The following PCDHA10 variants were observed in gnomAD, a reference collection of about 807,000 sequenced individuals.
The protein encoded by PCDHA10 is protocadherin alpha 10.
PCDHA10 carries 45 observed loss-of-function variants against 61.2 expected under a neutral mutation model. The observed-to-expected ratio is 0.74, with a 90% confidence interval of 0.58 to 0.94. The LOEUF is 0.94. PCDHA10 is among the 40% of genes least tolerant of loss of function. The pLI, the probability that PCDHA10 is intolerant of heterozygous loss-of-function variation, is 0.00. For missense variants in PCDHA10, 1,278 were observed against 1,236.2 expected (o/e 1.03, Z -0.51); for synonymous variants, 602 against 548.8 (o/e 1.10, Z -1.35).
rs530119651 is a variant in PCDHA10, at chr5:140,965,991, T to A, written c.2389-12958T>A. ...CCTAGGAGTTGAGCACTTTCTGCAG[T>A]ACTTAAGAGTGTCCAGGGAAGATGT... On this transcript the variant is annotated intron_variant, in intron 1 of 3. Transcript: ENST00000307360. Among the ~76,000 whole-genome samples, 253 of 152,310 alleles carry A rather than the reference T, an allele frequency of 1.7e-3. 2 individuals carry two copies. Among genetic ancestry groups the A allele is most frequent in the Non-Finnish European group, 2.4e-3 (164 of 68,034 alleles).
chr5:140,964,168 G>A (rs928554352), intron 1 of PCDHA10, among the ~76,000 whole-genome samples: 1 of 152,166 alleles, frequency 6.6e-6, no homozygotes, highest in Non-Finnish European at 1.5e-5. Flanking sequence ...TGTGAGGAAC[G>A]AAATCATTAT....
At chr5:140,950,517 A>G (rs1210598995) in intron 1 of PCDHA10, among the ~76,000 whole-genome samples, 1 of 152,012 alleles carries the variant, frequency 6.6e-6, no homozygotes, top group African/African-American at 2.4e-5. Flanking sequence ...CCTGTGTGCG[A>G]TATGATTGTT....
chr5:140,918,210 A>T (rs2078574076), intron 1 of PCDHA10, among the ~76,000 whole-genome samples: 1 of 152,152 alleles, frequency 6.6e-6, no homozygotes, highest in Non-Finnish European at 1.5e-5. Context: ...TTGTTGGTGT[A>T]CAGAAATGCT....
At chr5:140,884,075 T>C (rs2059980601) in intron 1 of PCDHA10, 1 of 1,613,342 alleles carries the variant, frequency 6.2e-7, no homozygotes, top group South Asian at 1.1e-5. Context: ...CGATTCGGGC[T>C]ACAATGCGTG....
intron 1 of PCDHA10, among the ~76,000 whole-genome samples, chr5:140,963,244 T>C (rs934081934): frequency 6.6e-6 from 1 of 151,988 alleles, no homozygotes; most frequent in Non-Finnish European, 1.5e-5. Flanking sequence ...ATGGATTAGG[T>C]AGGTTTTCAT....
Position 140,870,628 on chromosome 5 carries a change from G to A in PCDHA10, c.2388+12192G>A. The A allele has an allele frequency of 4.3e-6, 7 of 1,613,050 alleles. No individual in the cohort carries two copies. The highest frequency in any genetic ancestry group is 5.9e-6 in the Non-Finnish European group (7 of 1,179,794). Reference sequence around the variant, plus strand: ...CCGCGCGCTGTCGAGCTACGTGTCGGTGCACGCGGAGAGCGGCAAGGTGTA... The same window carrying A: ...CCGCGCGCTGTCGAGCTACGTGTCGATGCACGCGGAGAGCGGCAAGGTGTA... On this transcript the variant is annotated intron_variant, in intron 1 of 3. Transcript: ENST00000307360.
chr5:140,882,213 T>C, intron 1 of PCDHA10: 2 of 1,538,576 alleles, frequency 1.3e-6, no homozygotes, highest in Non-Finnish European at 1.8e-6. Flanking sequence ...TGAGAGACAG[T>C]TTGAGGTAAG....
At position 141,009,699 on chromosome 5, in the gene PCDHA10, G is replaced by A. The variant is rs1554262287; in HGVS notation, c.2609G>A (p.Gly870Glu). Residue 870 changes from glycine to glutamate, a missense_variant, in exon 4 of 4, where the codon GGA becomes GAA. Gly to Glu is a moderately conservative substitution (Grantham distance 98, BLOSUM62 -2). Transcript: ENST00000307360. ...AGCAACAGCTGGACCTTTAAATACG[G>A]ACCAGGCAACCCCAAACAATCCGGT... Reference protein sequence around the residue: ...VNSNSWTFKYGPGNPKQSGPG... With the variant: ...VNSNSWTFKYEPGNPKQSGPG... 1 of 1,614,030 alleles carries A rather than the reference G, an allele frequency of 6.2e-7. No individual in the cohort carries two copies. The highest frequency in any genetic ancestry group is 8.5e-7 in the Non-Finnish European group (1 of 1,180,010).
rs534304787 is a variant in PCDHA10, at chr5:140,885,393, TA to T, written c.2388+26959del. Among the ~76,000 whole-genome samples the T allele has an allele frequency of 3.1e-3, 468 of 152,312 alleles. 3 individuals carry two copies. Among genetic ancestry groups the T allele is most frequent in the Middle Eastern group, 0.014 (4 of 294 alleles). The stretch of plus-strand genomic sequence containing the variant: ...TACCTTTTGGCAGTCCCTGCAAATC[TA>T]ATGGTTTTAATAGCTGTGTAGTATT... On this transcript the variant is annotated intron_variant, in intron 1 of 3. Transcript: ENST00000307360.
At chr5:140,955,157 T>A (rs1554221797) in intron 1 of PCDHA10, among the ~76,000 whole-genome samples, 1 of 152,198 alleles carries the variant, frequency 6.6e-6, no homozygotes, top group Non-Finnish European at 1.5e-5. Context: ...ACCAGTACCG[T>A]GCTGTTTTGG....
At chr5:140,968,044 A>G (rs959631573) in intron 1 of PCDHA10, 2 of 1,614,024 alleles carry the variant, frequency 1.2e-6, no homozygotes, top group Non-Finnish European at 1.7e-6. Context: ...TGAGCGGCCC[A>G]CTGGACCGAG....
Position 140,898,031 on chromosome 5 carries a change from G to C in PCDHA10, c.2388+39595G>C, listed in dbSNP as rs550093815. Among the ~76,000 whole-genome samples, 156 of 152,112 alleles carry C rather than the reference G, an allele frequency of 1.0e-3. No individual in the cohort carries two copies. The South Asian group carries it at 0.016, about 16-fold the overall frequency. ...CATATCCTTTGCCCACTTTTTGATG[G>C]GGTTGTTTGTTTTTTTCTTGTAAAT... On this transcript the variant is annotated intron_variant, in intron 1 of 3. Coordinates refer to ENST00000307360, the MANE Select transcript of PCDHA10 (RefSeq NM_018901.4).
intron 1 of PCDHA10, chr5:140,876,368 C>T (rs564115297): frequency 3.7e-5 from 59 of 1,613,904 alleles, no homozygotes; most frequent in Non-Finnish European, 4.9e-5. Context: ...AATCCAGACA[C>T]AGGTGAAATT....
intron 1 of PCDHA10, among the ~76,000 whole-genome samples, chr5:140,951,315 C>A (rs782114634): frequency 6.6e-6 from 1 of 151,988 alleles, no homozygotes; most frequent in Non-Finnish European, 1.5e-5. Context: ...ATGTGTTATT[C>A]TTGAGATTCA....
At chr5:140,869,380 G>A (rs1315666503) in intron 1 of PCDHA10, 1 of 1,614,046 alleles carries the variant, frequency 6.2e-7, no homozygotes, top group African/African-American at 1.3e-5. Context: ...GATCGACCGC[G>A]AGGAGCTGTG....
chr5:140,911,971 C>G (rs1041878022), intron 1 of PCDHA10, among the ~76,000 whole-genome samples: 5 of 152,266 alleles, frequency 3.3e-5, no homozygotes, highest in African/African-American at 1.2e-4. Flanking sequence ...GGAGTATTAA[C>G]TCACATGATC....
intron 3 of PCDHA10, among the ~76,000 whole-genome samples, chr5:140,995,158 A>G (rs1554254485): frequency 6.6e-6 from 1 of 152,180 alleles, no homozygotes; most frequent in African/African-American, 2.4e-5. Flanking sequence ...TATATACATT[A>G]TGTTCTTTCA....
chr5:140,914,944 CTTTTT>C (rs35695909), intron 1 of PCDHA10, among the ~76,000 whole-genome samples: 1 of 128,266 alleles, frequency 7.8e-6, no homozygotes, highest in Non-Finnish European at 1.7e-5. Context: ...GAAAAGTTGT[CTTTTT>C]TTTTTTTTTT....
At chr5:140,930,778 T>G (rs891094443) in intron 1 of PCDHA10, among the ~76,000 whole-genome samples, 1 of 152,200 alleles carries the variant, frequency 6.6e-6, no homozygotes, top group African/African-American at 2.4e-5. Flanking sequence ...CTTAATATTT[T>G]CACAATATAA....
Sources: gnomAD v4.1 joint callset for allele counts (sites outside exome capture counted in the v4.1 genomes callset) on GRCh38, gnomAD v4.1.1 for gene constraint, MANE v1.5 for transcripts, NCBI Gene and HGNC (gene_info 2026-07-23, HGNC 2026-07-21) for gene names.